PDE7B: variants seen among roughly 807,000 people sequenced by gnomAD.
The protein encoded by PDE7B is phosphodiesterase 7B, also known as 3',5'-cyclic-AMP phosphodiesterase 7B.
PDE7B carries 29 observed loss-of-function variants against 56.2 expected under a neutral mutation model. The observed-to-expected ratio is 0.52, with a 90% CI of 0.38 to 0.70. The LOEUF is 0.70. Ranked by LOEUF, PDE7B falls within the 30% of genes least tolerant of loss-of-function variation. The probability of loss-of-function intolerance (pLI) is 0.00; values close to 1 mark genes in which losing one functional copy is unlikely to be tolerated. For missense variants in PDE7B, 490 were observed against 565.0 expected, an observed-to-expected ratio of 0.87 and a Z score of 1.35; for synonymous variants, 197 against 196.9, an observed-to-expected ratio of 1.00 and a Z score of 0.00.
chr6:136,155,162 C>CA lies in PDE7B; in HGVS notation c.580-463dup, dbSNP rs574193113. Among the ~76,000 whole-genome samples the CA allele has an allele frequency of 3.9e-5, 6 of 152,308 alleles. No individual in the cohort carries two copies. The South Asian group carries it at 1.2e-3, about 32-fold the overall frequency. On this transcript the variant is annotated intron_variant, in intron 7 of 12. Transcript: ENST00000308191. ...CACATTGAAAAAAATGCAGATCTTG[C>CA]AAGTCGGCCCACTTCTTTCAAAGTG...
chr6:136,121,957 G>A (rs1285447906), intron 3 of PDE7B, among the ~76,000 whole-genome samples: 1 of 152,070 alleles, frequency 6.6e-6, no homozygotes, highest in Non-Finnish European at 1.5e-5. Context: ...GTTAAGGGTT[G>A]GTTAGAACCA....
intron 1 of PDE7B, among the ~76,000 whole-genome samples, chr6:135,876,933 T>C (rs577036820): frequency 4.6e-5 from 7 of 152,358 alleles, no homozygotes; most frequent in East Asian, 3.9e-4. Context: ...TATTTCACTA[T>C]ACTTCATTGT....
At chr6:136,149,463 G>A (rs962753974) in intron 5 of PDE7B, among the ~76,000 whole-genome samples, 2 of 152,180 alleles carry the variant, frequency 1.3e-5, no homozygotes, top group African/African-American at 4.8e-5. Context: ...GGAGTTCATT[G>A]TTAGTTGATG....
chr6:135,947,623 A>C, intron 2 of PDE7B, 99 bp downstream of exon 2: 1 of 819,306 alleles, frequency 1.2e-6, no homozygotes, highest in Non-Finnish European at 2.1e-6. Context: ...TGTTTTGAAG[A>C]GGCTGATAGG....
chr6:136,164,321 T>C (rs1401051808), intron 8 of PDE7B, among the ~76,000 whole-genome samples: 1 of 152,116 alleles, frequency 6.6e-6, no homozygotes, highest in Non-Finnish European at 1.5e-5. Flanking sequence ...TGAGAACAGG[T>C]TGGGGGACCA....
chr6:136,081,352 A>C (rs1472797927), intron 2 of PDE7B, among the ~76,000 whole-genome samples: 1 of 152,186 alleles, frequency 6.6e-6, no homozygotes. Context: ...TTGAGGCAAA[A>C]TTTTCAAGAT....
chr6:135,982,420 C>T (rs1184488707), intron 2 of PDE7B, among the ~76,000 whole-genome samples: 1 of 152,104 alleles, frequency 6.6e-6, no homozygotes, highest in Non-Finnish European at 1.5e-5. Context: ...CTGCTACTTT[C>T]TTCTCTCTGT....
chr6:136,125,408 T>TA (rs1040154170), intron 3 of PDE7B, among the ~76,000 whole-genome samples: 2 of 151,768 alleles, frequency 1.3e-5, no homozygotes, highest in Non-Finnish European at 2.9e-5. Context: ...TTAAAAAAAT[T>TA]AAAAAATTAG....
intron 2 of PDE7B, among the ~76,000 whole-genome samples, chr6:136,089,205 G>A (rs1777343745): frequency 6.6e-6 from 1 of 152,102 alleles, no homozygotes; most frequent in Non-Finnish European, 1.5e-5. Context: ...TAGACAAAAG[G>A]GCTTTAGCTC....
intron 2 of PDE7B, among the ~76,000 whole-genome samples, chr6:135,963,423 A>G (rs1183945988): frequency 6.6e-6 from 1 of 152,170 alleles, no homozygotes; most frequent in Non-Finnish European, 1.5e-5. Flanking sequence ...AGAAACGGAG[A>G]GAAATGCTAT....
At chr6:136,030,322 C>T (rs1028563984) in intron 2 of PDE7B, among the ~76,000 whole-genome samples, 1 of 152,246 alleles carries the variant, frequency 6.6e-6, no homozygotes, top group Non-Finnish European at 1.5e-5. Flanking sequence ...GCTGATTTCA[C>T]ATGTCTCTTG....
chr6:136,105,765 C>T (rs1255978250), intron 2 of PDE7B, among the ~76,000 whole-genome samples: 1 of 152,152 alleles, frequency 6.6e-6, no homozygotes, highest in Non-Finnish European at 1.5e-5. Context: ...CCCCCAAGTT[C>T]CCAGTGTATT....
Position 135,947,533 on chromosome 6 carries a change from G to A in PDE7B, c.82+9G>A. 1 of 1,601,552 alleles carries A rather than the reference G, an allele frequency of 6.2e-7. No individual in the cohort carries two copies. The highest frequency in any genetic ancestry group is 1.3e-5 in the African/African-American group (1 of 74,762). Reference sequence around the variant, plus strand: ...ATGTGTTTGCATGCTGGGTAAGAAGGCTTCTCATTTTAAATATATTAAGCA... The same window carrying A: ...ATGTGTTTGCATGCTGGGTAAGAAGACTTCTCATTTTAAATATATTAAGCA... On this transcript the variant is annotated intron_variant, in intron 2 of 12. Coordinates refer to ENST00000308191, the MANE Select transcript of PDE7B (RefSeq NM_018945.4).
At chr6:136,036,409 C>A (rs190758152) in intron 2 of PDE7B, among the ~76,000 whole-genome samples, 74 of 152,304 alleles carry the variant, frequency 4.9e-4, no homozygotes, top group African/African-American at 1.7e-3. Context: ...TTGTTTTATA[C>A]CCTCTTGCCC....
chr6:135,926,495 G>T (rs55892396), intron 1 of PDE7B, among the ~76,000 whole-genome samples: 24 of 151,812 alleles, frequency 1.6e-4, no homozygotes, highest in East Asian at 5.9e-4. Flanking sequence ...GGGTGGGGGG[G>T]GCTTAGCAAA....
intron 1 of PDE7B, among the ~76,000 whole-genome samples, chr6:135,902,503 C>T (rs561592739): frequency 6.8e-6 from 1 of 147,896 alleles, no homozygotes; most frequent in South Asian, 2.2e-4. Context: ...ATCTGAAACA[C>T]AGAATATTTG....
chr6:135,856,839 T>C (rs1401266395), intron 1 of PDE7B, among the ~76,000 whole-genome samples: 1 of 152,184 alleles, frequency 6.6e-6, no homozygotes, highest in African/African-American at 2.4e-5. Flanking sequence ...TTAAATCCTT[T>C]CATGAATGGT....
At chr6:135,920,617 G>A (rs1384643517) in intron 1 of PDE7B, among the ~76,000 whole-genome samples, 1 of 152,168 alleles carries the variant, frequency 6.6e-6, no homozygotes, top group East Asian at 1.9e-4. Flanking sequence ...CAGAAAAAGA[G>A]TCACCTAAAT....
chr6:135,881,073 G>A (rs966983967), intron 1 of PDE7B, among the ~76,000 whole-genome samples: 1 of 152,150 alleles, frequency 6.6e-6, no homozygotes, highest in Non-Finnish European at 1.5e-5. Flanking sequence ...CCCATGGGGA[G>A]GGTAGGCACC....
Sources: allele counts gnomAD v4.1 joint callset (sites outside exome capture counted in the v4.1 genomes callset), GRCh38; gene constraint gnomAD v4.1.1; transcripts MANE v1.5; gene names NCBI Gene and HGNC (gene_info 2026-07-23, HGNC 2026-07-21).